Variants in NFATC3 observed in about 807,000 individuals in gnomAD.
NFATC3 encodes the protein nuclear factor of activated T cells 3, also known as nuclear factor of activated T-cells, cytoplasmic 3.
NFATC3 carries 46 observed loss-of-function variants against 98.6 expected under a neutral mutation model. The observed-to-expected ratio is 0.47, with a 90% CI of 0.37 to 0.60. The LOEUF is 0.60. Among genes scored for constraint, NFATC3 ranks in the 20% least tolerant of loss-of-function variants. The pLI, the probability that NFATC3 is intolerant of heterozygous loss-of-function variation, is 0.00. For missense variants in NFATC3, 1,256 were observed against 1,295.5 expected (o/e 0.97, Z 0.47); for synonymous variants, 512 against 472.2 (o/e 1.08, Z -1.09).
At chr16:68,195,158 G>A (rs1055399756) in intron 9 of NFATC3, among the ~76,000 whole-genome samples, 4 of 151,996 alleles carry the variant, frequency 2.6e-5, no homozygotes, top group Admixed American at 6.6e-5. Flanking sequence ...GGGAGGCTGA[G>A]ACAAGAGAAT....
At chr16:68,142,605 A>G (rs562791552) in intron 3 of NFATC3, among the ~76,000 whole-genome samples, 2 of 152,124 alleles carry the variant, frequency 1.3e-5, no homozygotes, top group South Asian at 2.1e-4. Context: ...TAAAAATACA[A>G]AAATTAGCTG....
chr16:68,217,972 C>A lies in NFATC3; in HGVS notation c.3107-8378C>A, dbSNP rs537692050. 4.1e-5 allele frequency: 50 copies of A among 1,209,416 alleles called. No individual in the cohort carries two copies. The African/African-American group carries it at 7.3e-4, about 18-fold the overall frequency. 74.9% of individuals were successfully genotyped at this position (1,209,416 alleles called of 1,614,324 possible). A position where few individuals can be genotyped will look rare whatever the true frequency, so the allele number is the denominator to read the frequency against. On this transcript the variant is annotated intron_variant, in intron 9 of 9. Transcript: ENST00000346183. ...TGGAAGAATGAATTAAGATAATTAG[C>A]AGCCTACCATAGATACCTTCTAAAT...
At chr16:68,181,833 G>A (rs2039960069) in intron 7 of NFATC3, among the ~76,000 whole-genome samples, 1 of 152,090 alleles carries the variant, frequency 6.6e-6, no homozygotes, top group African/African-American at 2.4e-5. Flanking sequence ...AGGCTGAGGT[G>A]GGAGGATCAC....
chr16:68,182,918 A>G (rs1379756707), intron 7 of NFATC3, among the ~76,000 whole-genome samples: 2 of 152,238 alleles, frequency 1.3e-5, no homozygotes, highest in Non-Finnish European at 2.9e-5. Flanking sequence ...GAATGAATTT[A>G]CTGTTAAGAT....
chr16:68,142,626 TGG>T, intron 3 of NFATC3, among the ~76,000 whole-genome samples: 1 of 151,932 alleles, frequency 6.6e-6, no homozygotes, highest in Non-Finnish European at 1.5e-5. Flanking sequence ...GGCGTGGTGG[TGG>T]GTGCCTGTAA....
rs1168123041 is a variant in NFATC3, at chr16:68,183,234, C to T, written c.1972-6C>T. The T allele has an allele frequency of 1.3e-6, 2 of 1,574,158 alleles. No individual in the cohort carries two copies. Among genetic ancestry groups the T allele is most frequent in the Non-Finnish European group, 1.7e-6 (2 of 1,166,458 alleles). Reference sequence around the variant, plus strand: ...AGTGTAACACAATCTTGCTTTCCATCCTTAGGCTCACATTGTCCTTGAAGT... The same window carrying T: ...AGTGTAACACAATCTTGCTTTCCATTCTTAGGCTCACATTGTCCTTGAAGT... On this transcript the variant is annotated splice_polypyrimidine_tract_variant and splice_region_variant and intron_variant, in intron 7 of 9. Transcript: ENST00000346183.
chr16:68,165,030 C>T (rs1055609978), intron 4 of NFATC3, among the ~76,000 whole-genome samples: 1 of 152,006 alleles, frequency 6.6e-6, no homozygotes. Context: ...GATGTACTTT[C>T]TGGTACTGTT....
intron 8 of NFATC3, among the ~76,000 whole-genome samples, chr16:68,188,217 C>G (rs1212822778): frequency 6.6e-6 from 1 of 152,186 alleles, no homozygotes; most frequent in Non-Finnish European, 1.5e-5. Flanking sequence ...CATCTCTGAG[C>G]TGTTGCGGGA....
chr16:68,098,297 A>T (rs201982617), intron 1 of NFATC3, among the ~76,000 whole-genome samples: 12,768 of 100,368 alleles, frequency 0.13, 1,298 homozygotes, highest in African/African-American at 0.19. Flanking sequence ...TATTATTATT[A>T]TTATTTTTTT....
At chr16:68,088,617 T>G (rs2034532615) in intron 1 of NFATC3, 1 of 151,624 alleles carries the variant, frequency 6.6e-6, no homozygotes, top group Admixed American at 6.6e-5. Flanking sequence ...TACTGCAGCC[T>G]CGACCTCTGG....
intron 9 of NFATC3, among the ~76,000 whole-genome samples, chr16:68,207,706 CCCT>C (rs1669894332): frequency 6.6e-6 from 1 of 152,208 alleles, no homozygotes; most frequent in South Asian, 2.1e-4. Flanking sequence ...AGGTCACCCA[CCCT>C]CCTCAGCCTC....
At chr16:68,141,064 G>T (rs2151540397) in intron 3 of NFATC3, among the ~76,000 whole-genome samples, 1 of 152,212 alleles carries the variant, frequency 6.6e-6, no homozygotes, top group East Asian at 1.9e-4. Context: ...GTGGTATTTG[G>T]TTTTCCATTC....
At chr16:68,209,556 C>T (rs540715259) in intron 9 of NFATC3, 98 of 318,950 alleles carry the variant, frequency 3.1e-4, no homozygotes, top group Non-Finnish European at 5.2e-4. Context: ...GATGGCCTAG[C>T]ACGTGGAATT....
At chr16:68,094,835 G>C (rs2034920882) in intron 1 of NFATC3, among the ~76,000 whole-genome samples, 1 of 152,196 alleles carries the variant, frequency 6.6e-6, no homozygotes, top group South Asian at 2.1e-4. Flanking sequence ...TGAGGGGAAG[G>C]AATGAGACAC....
chr16:68,095,794 A>G (rs1329348068), intron 1 of NFATC3, among the ~76,000 whole-genome samples: 3 of 152,150 alleles, frequency 2.0e-5, no homozygotes, highest in South Asian at 2.1e-4. Flanking sequence ...AAGTATGGCT[A>G]TTGATCCTGG....
At chr16:68,148,085 G>A (rs1268592798) in intron 3 of NFATC3, among the ~76,000 whole-genome samples, 7 of 151,944 alleles carry the variant, frequency 4.6e-5, no homozygotes, top group Non-Finnish European at 8.8e-5. Flanking sequence ...GCGCGATCTC[G>A]GCTCACTGCA....
At chr16:68,135,311 A>G (rs2037333307) in intron 3 of NFATC3, among the ~76,000 whole-genome samples, 1 of 152,028 alleles carries the variant, frequency 6.6e-6, no homozygotes, top group African/African-American at 2.4e-5. Flanking sequence ...ACAAAAAATT[A>G]GCCGAGCGTG....
intron 9 of NFATC3, among the ~76,000 whole-genome samples, chr16:68,221,990 A>G (rs1212870289): frequency 6.6e-6 from 1 of 152,098 alleles, no homozygotes; most frequent in Non-Finnish European, 1.5e-5. Context: ...CTTATAAGAT[A>G]TAGAAGAACA....
intron 9 of NFATC3, among the ~76,000 whole-genome samples, chr16:68,210,948 A>C (rs1172037489): frequency 1.3e-5 from 2 of 151,256 alleles, no homozygotes; most frequent in Non-Finnish European, 3.0e-5. Flanking sequence ...TGCCCGGCTA[A>C]TTTTTTTGTA....
Sources: gnomAD v4.1 joint callset for allele counts (sites outside exome capture counted in the v4.1 genomes callset) on GRCh38, gnomAD v4.1.1 for gene constraint, MANE v1.5 for transcripts, NCBI Gene and HGNC (gene_info 2026-07-23, HGNC 2026-07-21) for gene names.